Variants in DDX43 observed in about 807,000 individuals in gnomAD.
The protein encoded by DDX43 is DEAD-box helicase 43.
Under a neutral mutation model 84.9 loss-of-function variants are expected in DDX43, and 50 were observed. The ratio of observed to expected loss-of-function variants is 0.59; its 90% CI spans 0.47 to 0.75. DDX43 has a LOEUF of 0.75. DDX43 is among the 30% of genes least tolerant of loss of function. DDX43 has a pLI of 0.00. For synonymous variants in DDX43, 291 were observed against 266.3 expected, an observed-to-expected ratio of 1.09 and a Z score of -0.90; for missense variants, 689 against 798.6, an observed-to-expected ratio of 0.86 and a Z score of 1.65.
At position 73,395,163 on chromosome 6, in the gene DDX43, T is replaced by C; in HGVS notation, c.250+8T>C. On this transcript the variant is annotated splice_region_variant and intron_variant, in intron 1 of 16. Coordinates refer to ENST00000370336, the MANE Select transcript of DDX43 (RefSeq NM_018665.3). ...TTGTTGGCGCGGTAATCGGTGAGAA[T>C]GGGAGTGGCTGGCAGGGCAGGATAG... 3 of 1,601,208 alleles carry C rather than the reference T, an allele frequency of 1.9e-6. No homozygotes were observed. The highest frequency in any genetic ancestry group is 2.6e-6 in the Non-Finnish European group (3 of 1,174,022).
intron 1 of DDX43, among the ~76,000 whole-genome samples, chr6:73,396,103 C>T (rs954329735): frequency 2.6e-5 from 4 of 151,820 alleles, no homozygotes; most frequent in African/African-American, 9.7e-5. Flanking sequence ...GCTGAAATTA[C>T]GTGCGCCACC....
intron 4 of DDX43, among the ~76,000 whole-genome samples, chr6:73,403,816 A>ATTT (rs35707346): frequency 2.2e-5 from 3 of 138,584 alleles, no homozygotes; most frequent in Non-Finnish European, 3.1e-5. Flanking sequence ...TGCCAGGCTA[A>ATTT]TTTTTTTTTT....
intron 10 of DDX43, among the ~76,000 whole-genome samples, chr6:73,411,123 C>A (rs1265369563): frequency 7.4e-6 from 1 of 135,308 alleles, no homozygotes; most frequent in African/African-American, 2.7e-5. Flanking sequence ...TTGCAGTGAG[C>A]CGAGATCACG....
Position 73,402,120 on chromosome 6 carries a change from A to G in DDX43, c.568+130A>G, listed in dbSNP as rs141783105. 518 of 1,139,222 alleles carry G rather than the reference A, an allele frequency of 4.5e-4. 3 individuals carry two copies. In the African/African-American group the frequency reaches 5.9e-3, roughly 13 times the overall value. 70.6% of individuals were successfully genotyped at this position (1,139,222 alleles called of 1,614,324 possible). On this transcript the variant is annotated intron_variant, in intron 4 of 16. Transcript: ENST00000370336. ...AAATAGTAAAATCTAAAATGCTGCA[A>G]TTAGTCCCTAGGTTATGATAGTTTC...
rs1011515161 is a variant in DDX43 at position 73,398,291 on chromosome 6, G to A, written c.306+547G>A. On this transcript the variant is annotated intron_variant, in intron 2 of 16. Transcript: ENST00000370336. ...TTTTGAGACAGAGTCTCACTCTGTCGCCCAGGCTGGAGTGCAGTGGCACGA... is the reference window on the plus strand; with the variant it reads ...TTTTGAGACAGAGTCTCACTCTGTCACCCAGGCTGGAGTGCAGTGGCACGA... Among the ~76,000 whole-genome samples the A allele has an allele frequency of 4.6e-5, 7 of 151,342 alleles. No individual in the cohort carries two copies. The South Asian group carries it at 6.3e-4, about 14-fold the overall frequency.
chr6:73,412,668 T>TGTGTGTGCGCGCGC (rs538597626), intron 11 of DDX43, among the ~76,000 whole-genome samples: 6 of 108,392 alleles, frequency 5.5e-5, no homozygotes, highest in South Asian at 3.2e-4. Flanking sequence ...TGTGTGTGTG[T>TGTGTGTGCGCGCGC]GCGCGCGCGC....
At chr6:73,412,609 C>T (rs1769808552) in intron 11 of DDX43, among the ~76,000 whole-genome samples, 2 of 136,650 alleles carry the variant, frequency 1.5e-5, no homozygotes, top group Admixed American at 1.5e-4. Flanking sequence ...GCAACCTCTG[C>T]CTCCTGGGTT....
chr6:73,403,979 A>T (rs2150792963), intron 4 of DDX43, among the ~76,000 whole-genome samples: 1 of 151,986 alleles, frequency 6.6e-6, no homozygotes, highest in East Asian at 1.9e-4. Flanking sequence ...CACCATGCTC[A>T]GCTAATTTTT....
At chr6:73,412,668 T>TGTGTGTGTGTGTGTGC (rs538597626) in intron 11 of DDX43, among the ~76,000 whole-genome samples, 10,238 of 106,382 alleles carry the variant, frequency 0.096, 816 homozygotes, top group Non-Finnish European at 0.12. Context: ...TGTGTGTGTG[T>TGTGTGTGTGTGTGTGC]GCGCGCGCGC....
intron 11 of DDX43, 185 bp from the exon 12 acceptor site, chr6:73,413,473 T>C (rs1422692337): frequency 4.2e-6 from 2 of 480,088 alleles, no homozygotes; most frequent in Non-Finnish European, 7.3e-6. Flanking sequence ...ATTTTGAGGT[T>C]AAGTGACATC....
intron 8 of DDX43, 131 bp from the exon 9 acceptor site, chr6:73,407,829 C>A: frequency 1.1e-6 from 1 of 900,982 alleles, no homozygotes; most frequent in Non-Finnish European, 1.7e-6. Context: ...GATGGGTGTA[C>A]ATAATTCTCA....
chr6:73,399,559 T>C (rs948682239), intron 2 of DDX43, among the ~76,000 whole-genome samples: 4 of 152,226 alleles, frequency 2.6e-5, no homozygotes, highest in African/African-American at 7.2e-5. Flanking sequence ...TACAGAGTTA[T>C]AGTGCGTGTA....
Position 73,404,770 on chromosome 6 carries a change from A to T in DDX43, c.649A>T (p.Arg217Trp). The change falls in exon 5 of 17, where the codon AGG becomes TGG. Residue 217 changes from arginine (R) to tryptophan (W), a missense_variant and splice_region_variant. By Grantham distance (101) the Arg-to-Trp change is moderately radical (BLOSUM62 -3). Transcript: ENST00000370336. ...AMSKVEADSWRKENFNITWDD... is the reference protein window; with the variant it reads ...AMSKVEADSWWKENFNITWDD... ...GTCAAAAGTAGAAGCAGATAGTTGG[A>T]GGTGGGTAGTTTCATTACCTAGTTG... is the stretch of plus-strand genomic sequence containing the variant. The T allele has an allele frequency of 6.2e-7, 1 of 1,610,872 alleles. No homozygotes were observed. Among genetic ancestry groups the T allele is most frequent in the South Asian group, 1.1e-5 (1 of 90,560 alleles).
intron 10 of DDX43, among the ~76,000 whole-genome samples, chr6:73,411,018 C>T (rs1372296779): frequency 6.6e-6 from 1 of 151,810 alleles, no homozygotes; most frequent in East Asian, 2.0e-4. Context: ...AACCCCGTCT[C>T]TACTAAATTT....
At position 73,408,074 on chromosome 6, in the gene DDX43, C is replaced by G. The variant is rs371608743; in HGVS notation, c.1152C>G (p.Phe384Leu). 1 of 1,613,954 alleles carries G rather than the reference C, an allele frequency of 6.2e-7. No individual in the cohort carries two copies. The highest frequency in any genetic ancestry group is 2.2e-5 in the East Asian group (1 of 44,882). The stretch of plus-strand genomic sequence containing the variant: ...TGAATGATCTGCAAATGAGTAACTT[C>G]GTCAATCTGAAGAATATAACCTACT... Reference protein sequence around the residue: ...GRLNDLQMSNFVNLKNITYLV... With the variant: ...GRLNDLQMSNLVNLKNITYLV... Residue 384 changes from phenylalanine to leucine, a missense_variant, in exon 9 of 17, where the codon TTC becomes TTG. By Grantham distance (22) the Phe-to-Leu change is conservative (BLOSUM62 0). Around this residue, in one of 2 missense-constraint regions of DDX43, gnomAD observed 552 missense variants for 692.7 expected, o/e 0.80. Transcript: ENST00000370336.
intron 6 of DDX43, among the ~76,000 whole-genome samples, 188 bp downstream of exon 6, chr6:73,406,023 T>A (rs1769673007): frequency 6.6e-6 from 1 of 150,842 alleles, no homozygotes; most frequent in Non-Finnish European, 1.5e-5. Context: ...AAAAAATATG[T>A]ACTTTTTTTT....
intron 2 of DDX43, 23 bp from the exon 3 acceptor site, chr6:73,400,211 C>A: frequency 1.3e-6 from 2 of 1,554,270 alleles, no homozygotes; most frequent in Non-Finnish European, 1.7e-6. Flanking sequence ...TTAAGTCTCA[C>A]CTCTTTTTCC....
intron 9 of DDX43, among the ~76,000 whole-genome samples, chr6:73,408,600 A>G (rs575255419): frequency 1.9e-4 from 29 of 151,660 alleles, no homozygotes; most frequent in African/African-American, 6.8e-4. Context: ...CTTGTTGCCC[A>G]GGCTGGAGTG....
At chr6:73,408,203 G>A in intron 9 of DDX43, 102 bp downstream of exon 9, 13 of 1,197,854 alleles carry the variant, frequency 1.1e-5, no homozygotes, top group Non-Finnish European at 1.5e-5. Context: ...GGGAGGCCGA[G>A]GCAGGTGGAT....
Sources: allele counts gnomAD v4.1 joint callset (sites outside exome capture counted in the v4.1 genomes callset), GRCh38; gene constraint gnomAD v4.1.1; regional missense constraint gnomAD v4.1.1; transcripts MANE v1.5; gene names NCBI Gene and HGNC (gene_info 2026-07-23, HGNC 2026-07-21).